Variants in CSMD1 observed in about 807,000 individuals in gnomAD.
The protein encoded by CSMD1 is CUB and Sushi multiple domains 1, also known as CUB and sushi domain-containing protein 1.
Under a neutral mutation model 417.5 loss-of-function variants are expected in CSMD1, and 213 were observed. That is an observed-to-expected ratio of 0.51 (90% CI 0.46 to 0.57). CSMD1 has a LOEUF of 0.57. Among genes scored for constraint, CSMD1 ranks in the 20% least tolerant of loss-of-function variants. The pLI is 0.00. For synonymous variants in CSMD1, 2,862 were observed against 1,736.8 expected (o/e 1.65, Z -16.11); for missense variants, 6,923 against 4,529.7 (o/e 1.53, Z -15.17).
In CSMD1 at chr8:3,921,567, T is replaced by A. The variant is rs577690576; in HGVS notation, c.818+76336A>T. Among the ~76,000 whole-genome samples the A allele has an allele frequency of 5.9e-5, 9 of 152,256 alleles. No homozygotes were observed. The East Asian group carries it at 1.7e-3, about 29-fold the overall frequency. On this transcript the variant is annotated intron_variant, in intron 5 of 69. Transcript: ENST00000635120. The stretch of plus-strand genomic sequence containing the variant: ...CCCTCTTAGAACCACTTTTGCTTCA[T>A]CTATTTTGGTGTGCTTGGTTTCCAT...
intron 10 of CSMD1, among the ~76,000 whole-genome samples, chr8:3,561,654 G>T (rs987839388): frequency 6.6e-6 from 1 of 152,138 alleles, no homozygotes; most frequent in Non-Finnish European, 1.5e-5. Context: ...TAAAGCTTAA[G>T]AATTGCACAT....
chr8:4,435,215 G>A (rs984515684), intron 2 of CSMD1, among the ~76,000 whole-genome samples: 1 of 152,066 alleles, frequency 6.6e-6, no homozygotes, highest in African/African-American at 2.4e-5. Context: ...CAGCCAATCT[G>A]ATCTTTGGAA....
At chr8:4,961,526 T>G (rs942407089) in intron 1 of CSMD1, among the ~76,000 whole-genome samples, 1 of 152,202 alleles carries the variant, frequency 6.6e-6, no homozygotes, top group Non-Finnish European at 1.5e-5. Context: ...GTTTGGCTAG[T>G]TTGAAAATTA....
At chr8:3,715,683 C>A (rs1424245016) in intron 6 of CSMD1, among the ~76,000 whole-genome samples, 1 of 152,148 alleles carries the variant, frequency 6.6e-6, no homozygotes, top group Non-Finnish European at 1.5e-5. Flanking sequence ...GCCGGGATTA[C>A]AGGCACCTGC....
Position 3,154,695 on chromosome 8 carries a change from T to C in CSMD1, c.5915-3182A>G, listed in dbSNP as rs528584735. ...AGAGCCCTAGAAAACTGCGAGACCA[T>C]TCTGGGGCTTGTTATAAATATTCAA... On this transcript the variant is annotated intron_variant, in intron 39 of 69. Transcript: ENST00000635120. Among the ~76,000 whole-genome samples the C allele has an allele frequency of 2.0e-5, 3 of 152,326 alleles. No homozygotes were observed. The East Asian group carries it at 5.8e-4, about 29-fold the overall frequency.
rs1563361603 is a variant in CSMD1, at chr8:3,411,882, A to ACGTATATATGCACGTATATATG, written c.1562-2278_1562-2277insCATATATACGTGCATATATACG. Among the ~76,000 whole-genome samples, 9 of 46,342 alleles carry ACGTATATATGCACGTATATATG rather than the reference A, an allele frequency of 1.9e-4. 1 individual carries two copies. The highest frequency in any genetic ancestry group is 1.1e-3 in the East Asian group (2 of 1,786). The allele number at this position is 46,342 out of a possible 152,430, so 30.4% of individuals were successfully genotyped here. ...TGCACGTATATATGCACGTATATAT[A>ACGTATATATGCACGTATATATG]CACGTATATATGCACGTATATATAC... On this transcript the variant is annotated intron_variant, in intron 12 of 69. Coordinates refer to ENST00000635120, the MANE Select transcript of CSMD1 (RefSeq NM_033225.6).
chr8:4,311,239 G>C (rs974630661), intron 3 of CSMD1, among the ~76,000 whole-genome samples: 1 of 152,136 alleles, frequency 6.6e-6, no homozygotes, highest in Non-Finnish European at 1.5e-5. Flanking sequence ...GCAAAGGCAC[G>C]GAATCAACCT....
intron 6 of CSMD1, among the ~76,000 whole-genome samples, chr8:3,735,451 G>C (rs141861297): frequency 2.6e-5 from 4 of 152,292 alleles, no homozygotes; most frequent in African/African-American, 7.2e-5. Flanking sequence ...GCAGGTATTA[G>C]GCAAAATGTT....
At chr8:4,334,413 T>C (rs1269533975) in intron 3 of CSMD1, among the ~76,000 whole-genome samples, 1 of 152,128 alleles carries the variant, frequency 6.6e-6, no homozygotes. Flanking sequence ...TAAGAGCAAA[T>C]ACTGAGGTTT....
intron 2 of CSMD1, among the ~76,000 whole-genome samples, chr8:4,626,173 G>A (rs150722893): frequency 6.6e-6 from 1 of 152,122 alleles, no homozygotes; most frequent in African/African-American, 2.4e-5. Context: ...GTTTTCAGCA[G>A]GCCAAGGTTT....
intron 2 of CSMD1, among the ~76,000 whole-genome samples, chr8:4,517,012 T>C (rs1423140541): frequency 2.0e-5 from 3 of 152,192 alleles, no homozygotes; most frequent in Non-Finnish European, 2.9e-5. Context: ...ATATCAGATA[T>C]AGTTTAAGAT....
At chr8:3,390,520 GC>G (rs1237831099) in intron 17 of CSMD1, among the ~76,000 whole-genome samples, 1 of 152,124 alleles carries the variant, frequency 6.6e-6, no homozygotes, top group South Asian at 2.1e-4. Flanking sequence ...TCTGTCTCCT[GC>G]CTGACAGCAC....
chr8:4,575,545 G>T (rs1799097895), intron 2 of CSMD1, among the ~76,000 whole-genome samples: 1 of 152,136 alleles, frequency 6.6e-6, no homozygotes, highest in Non-Finnish European at 1.5e-5. Context: ...AGCACCTCTT[G>T]GCCATCAAAC....
intron 36 of CSMD1, among the ~76,000 whole-genome samples, chr8:3,187,143 A>G (rs573101083): frequency 1.3e-5 from 2 of 152,368 alleles, no homozygotes; most frequent in East Asian, 3.9e-4. Flanking sequence ...AGTGATGACC[A>G]GGGAGATAAT....
chr8:4,510,730 C>G (rs373708890), intron 2 of CSMD1, among the ~76,000 whole-genome samples: 3 of 140,610 alleles, frequency 2.1e-5, no homozygotes, highest in African/African-American at 8.0e-5. Context: ...CCTTCCTTGC[C>G]TCCTCTCTTC....
At chr8:4,200,288 T>A (rs1043525569) in intron 3 of CSMD1, among the ~76,000 whole-genome samples, 1 of 152,222 alleles carries the variant, frequency 6.6e-6, no homozygotes, top group African/African-American at 2.4e-5. Context: ...GAGGATAATT[T>A]TTTTGTTAAT....
chr8:3,501,632 T>C (rs1399199718), intron 10 of CSMD1, among the ~76,000 whole-genome samples: 1 of 152,180 alleles, frequency 6.6e-6, no homozygotes, highest in Non-Finnish European at 1.5e-5. Flanking sequence ...ATAATGTATC[T>C]GATTCATTCC....
rs549421582 is a variant in CSMD1 at position 4,615,867 on chromosome 8, T to G, written c.302+21475A>C. 7.9e-5 allele frequency among the ~76,000 whole-genome samples: 12 copies of G among 152,304 alleles called. 2 individuals carry two copies. The highest frequency in any genetic ancestry group is 2.9e-4 in the African/African-American group (12 of 41,576). ...TGATATATTATTCTTTCAAAAGCAT[T>G]CTTTTTTCACTGTTTTGGATGAATT... On this transcript the variant is annotated intron_variant, in intron 2 of 69. Coordinates refer to ENST00000635120, the MANE Select transcript of CSMD1 (RefSeq NM_033225.6).
At chr8:4,007,305 T>G (rs190265376) in intron 4 of CSMD1, among the ~76,000 whole-genome samples, 16 of 152,300 alleles carry the variant, frequency 1.1e-4, no homozygotes, top group African/African-American at 3.8e-4. Context: ...AATGTTGGCT[T>G]CTTCTGTTCC....
Sources: gnomAD v4.1 joint callset for allele counts (sites outside exome capture counted in the v4.1 genomes callset) on GRCh38, gnomAD v4.1.1 for gene constraint, MANE v1.5 for transcripts, NCBI Gene and HGNC (gene_info 2026-07-23, HGNC 2026-07-21) for gene names.